Variants in TMEM131 observed in about 807,000 individuals in gnomAD.
The protein encoded by TMEM131 is transmembrane protein 131.
A neutral mutation model predicts 211.6 loss-of-function variants in TMEM131; 66 were observed. That is an observed-to-expected ratio of 0.31 (90% CI 0.26 to 0.38). The LOEUF (loss-of-function observed/expected upper bound fraction) is 0.38, where lower values mean the gene tolerates loss of function less well. Ranked by LOEUF, TMEM131 falls within the 10% of genes least tolerant of loss-of-function variation. The pLI is 1.00. For missense variants in TMEM131, 2,036 were observed against 2,299.3 expected, an observed-to-expected ratio of 0.89 and a Z score of 2.34; for synonymous variants, 844 against 841.3, an observed-to-expected ratio of 1.00 and a Z score of -0.06.
At chr2:97,885,110 G>T (rs13427422) in intron 4 of TMEM131, among the ~76,000 whole-genome samples, 56,862 of 152,086 alleles carry the variant, frequency 0.37, 11,750 homozygotes, top group African/African-American at 0.52. Flanking sequence ...TGGTGGTTAT[G>T]TTTTCATTTC....
In TMEM131 at chr2:97,793,995, A is replaced by C. The variant is rs1680633935; in HGVS notation, c.3387-442T>G. On this transcript the variant is annotated intron_variant, in intron 29 of 40. Coordinates refer to ENST00000186436, the MANE Select transcript of TMEM131 (RefSeq NM_015348.2). ...GGCAACAGAGCGAGACTCTGTCTCA[A>C]AAAAAAAAAAAAAAAAAAAACAAAA... Among the ~76,000 whole-genome samples the C allele has an allele frequency of 6.5e-5, 2 of 30,926 alleles. 1 individual carries two copies. The highest frequency in any genetic ancestry group is 6.0e-4 in the Admixed American group (2 of 3,314). The allele number at this position is 30,926 out of a possible 152,430, so 20.3% of individuals were successfully genotyped here. A position where few individuals can be genotyped will look rare whatever the true frequency, so the allele number is the denominator to read the frequency against.
At chr2:97,971,238 G>A (rs534170947) in intron 1 of TMEM131, among the ~76,000 whole-genome samples, 17 of 152,164 alleles carry the variant, frequency 1.1e-4, no homozygotes, top group Non-Finnish European at 2.4e-4. Context: ...CTTTTTCAGA[G>A]ATCACTGAAA....
intron 11 of TMEM131, among the ~76,000 whole-genome samples, chr2:97,832,059 CT>C (rs1454895200): frequency 1.6e-5 from 2 of 126,876 alleles, no homozygotes; most frequent in African/African-American, 6.0e-5. Flanking sequence ...ATCTAGAAAA[CT>C]AGGACCACTG....
At chr2:97,790,743 T>A (rs1680464744) in intron 31 of TMEM131, among the ~76,000 whole-genome samples, 1 of 152,240 alleles carries the variant, frequency 6.6e-6, no homozygotes, top group Non-Finnish European at 1.5e-5. Context: ...CTTTTAAGTA[T>A]TCACTTAAGA....
chr2:97,908,829 C>G, intron 2 of TMEM131, 131 bp from the exon 3 acceptor site: 2 of 649,592 alleles, frequency 3.1e-6, no homozygotes, highest in Non-Finnish European at 5.1e-6. Flanking sequence ...TAAGGTTAAA[C>G]CTGGTCTCCA....
intron 1 of TMEM131, among the ~76,000 whole-genome samples, chr2:97,928,515 G>A (rs916100347): frequency 6.6e-6 from 1 of 151,692 alleles, no homozygotes; most frequent in African/African-American, 2.4e-5. Flanking sequence ...CTCCAGGATG[G>A]AATGCATAAA....
In TMEM131 at chr2:97,995,621, G is replaced by T. The variant is rs1319758802; in HGVS notation, c.42C>A (p.Thr14=). Residue 14 remains threonine, a synonymous_variant, in exon 1 of 41, where the codon ACC becomes ACA. Coordinates refer to ENST00000186436, the MANE Select transcript of TMEM131 (RefSeq NM_015348.2). The part of the protein sequence containing the change: ...RAGGGATGAT[T]AAVSTSAGAG... ...CCCCGGCGGACGTGGAGACGGCGGC[G>T]GTGGTGGCTCCGGTTGCTCCTCCTC... 2.4e-6 allele frequency: 3 copies of T among 1,236,216 alleles called. No homozygotes were observed. The highest frequency in any genetic ancestry group is 3.5e-5 in the South Asian group (1 of 28,850). 76.6% of individuals were successfully genotyped at this position (1,236,216 alleles called of 1,614,324 possible).
intron 31 of TMEM131, among the ~76,000 whole-genome samples, chr2:97,780,866 C>A (rs992633007): frequency 2.0e-5 from 3 of 149,922 alleles, no homozygotes; most frequent in East Asian, 3.9e-4. Flanking sequence ...TAGAAAAACT[C>A]GGAAGTGTGT....
At chr2:97,875,304 A>C (rs939832001) in intron 4 of TMEM131, among the ~76,000 whole-genome samples, 1 of 152,192 alleles carries the variant, frequency 6.6e-6, no homozygotes, top group African/African-American at 2.4e-5. Context: ...TATTAGACAG[A>C]TCAACAAGAC....
intron 18 of TMEM131, 126 bp downstream of exon 18, chr2:97,811,002 T>C: frequency 1.4e-6 from 1 of 718,234 alleles, no homozygotes; most frequent in South Asian, 1.7e-5. Flanking sequence ...GAAAGCTCAG[T>C]TTTTAAGGTA....
intron 10 of TMEM131, among the ~76,000 whole-genome samples, chr2:97,833,648 T>C (rs1011761243): frequency 7.9e-6 from 1 of 126,478 alleles, no homozygotes; most frequent in Non-Finnish European, 1.6e-5. Flanking sequence ...AACCCCAAAA[T>C]ATATACTTTT....
intron 11 of TMEM131, among the ~76,000 whole-genome samples, chr2:97,832,057 A>AACTAGG (rs1682726072): frequency 6.7e-6 from 1 of 150,330 alleles, no homozygotes; most frequent in Admixed American, 6.7e-5. Flanking sequence ...CTATCTAGAA[A>AACTAGG]ACTAGGACCA....
chr2:97,900,651 T>G (rs1376382513), intron 3 of TMEM131, among the ~76,000 whole-genome samples: 1 of 152,158 alleles, frequency 6.6e-6, no homozygotes, highest in Non-Finnish European at 1.5e-5. Context: ...GTCTTGGCTA[T>G]TGTGAATAAT....
chr2:97,903,298 A>G, intron 3 of TMEM131, among the ~76,000 whole-genome samples: 1 of 152,150 alleles, frequency 6.6e-6, no homozygotes, highest in Non-Finnish European at 1.5e-5. Flanking sequence ...TTTTTTTATG[A>G]CAGCGCAAAT....
intron 4 of TMEM131, among the ~76,000 whole-genome samples, chr2:97,882,290 G>C (rs1448489957): frequency 6.6e-6 from 1 of 152,182 alleles, no homozygotes; most frequent in Non-Finnish European, 1.5e-5. Flanking sequence ...CTTAGAGACA[G>C]AAGAGAAAAG....
chr2:97,950,168 C>T (rs1157993585), intron 1 of TMEM131, among the ~76,000 whole-genome samples: 1 of 152,028 alleles, frequency 6.6e-6, no homozygotes, highest in Admixed American at 6.5e-5. Flanking sequence ...CTTATCAAGC[C>T]AATATTTAAC....
chr2:97,856,899 C>T (rs1673871273), intron 5 of TMEM131, among the ~76,000 whole-genome samples: 1 of 152,166 alleles, frequency 6.6e-6, no homozygotes, highest in African/African-American at 2.4e-5. Context: ...TAAATCTTGA[C>T]TATTTAAATG....
chr2:97,871,440 G>C (rs897861194), intron 4 of TMEM131, among the ~76,000 whole-genome samples: 1 of 152,228 alleles, frequency 6.6e-6, no homozygotes, highest in African/African-American at 2.4e-5. Flanking sequence ...AGGGTTATCA[G>C]AGGGGCCTGA....
At chr2:97,884,050 GATTT>G (rs1675041374) in intron 4 of TMEM131, among the ~76,000 whole-genome samples, 1 of 150,390 alleles carries the variant, frequency 6.6e-6, no homozygotes, top group African/African-American at 2.4e-5. Context: ...TTTGATGTAG[GATTT>G]ATTGTTATAT....
Sources: gnomAD v4.1 joint callset for allele counts (sites outside exome capture counted in the v4.1 genomes callset) on GRCh38, gnomAD v4.1.1 for gene constraint, MANE v1.5 for transcripts, NCBI Gene and HGNC (gene_info 2026-07-23, HGNC 2026-07-21) for gene names.